TYW1: variants seen among roughly 807,000 people sequenced by gnomAD.
TYW1 encodes S-adenosyl-L-methionine-dependent tRNA 4-demethylwyosine synthase TYW1.
In TYW1, 46 loss-of-function variants were observed where a neutral mutation model predicts 96.2. The ratio of observed to expected loss-of-function variants is 0.48; its 90% CI spans 0.38 to 0.61. The LOEUF (loss-of-function observed/expected upper bound fraction) is 0.61, where lower values mean the gene tolerates loss of function less well. TYW1 is among the 20% of genes least tolerant of loss of function. The pLI, the probability that TYW1 is intolerant of heterozygous loss-of-function variation, is 0.00. For missense variants in TYW1, 684 were observed against 909.6 expected (o/e 0.75, Z 3.19); for synonymous variants, 274 against 323.0 (o/e 0.85, Z 1.63).
intron 15 of TYW1, among the ~76,000 whole-genome samples, chr7:67,221,523 C>A (rs1801390497): frequency 6.6e-6 from 1 of 152,138 alleles, no homozygotes; most frequent in Admixed American, 6.5e-5. Flanking sequence ...TTACTTCTGT[C>A]ATTTTGTTAT....
chr7:67,086,467 GAGAGAGAGAGAC>G (rs992091144), intron 11 of TYW1, among the ~76,000 whole-genome samples: 10 of 151,876 alleles, frequency 6.6e-5, no homozygotes, highest in Non-Finnish European at 1.5e-4. Context: ...TGTGAGGGGA[GAGAGAGAGAGAC>G]AGAAAGAGAG....
chr7:67,103,568 C>T (rs35937118), intron 12 of TYW1, among the ~76,000 whole-genome samples: 23 of 152,222 alleles, frequency 1.5e-4, no homozygotes, highest in South Asian at 6.2e-4. Context: ...AAACTAAGGA[C>T]GCTCCCTGCC....
At chr7:67,100,635 A>G (rs1196123523) in intron 12 of TYW1, among the ~76,000 whole-genome samples, 1 of 152,142 alleles carries the variant, frequency 6.6e-6, no homozygotes, top group South Asian at 2.1e-4. Flanking sequence ...TCACGAGGTC[A>G]TGAGATTGAG....
In TYW1 at chr7:67,117,464, TA is replaced by T. The variant is rs758305798; in HGVS notation, c.1563-11del. The T allele has an allele frequency of 5.1e-5, 80 of 1,581,792 alleles. No individual in the cohort carries two copies. Among genetic ancestry groups the T allele is most frequent in the Non-Finnish European group, 3.3e-5 (39 of 1,170,224 alleles). ...GAGGAATAATTTTTCTTTCTTCTTT[TA>T]AAAAAAATATTACTAAGGAACCTCG... On this transcript the variant is annotated intron_variant, in intron 12 of 15. Coordinates refer to ENST00000359626, the MANE Select transcript of TYW1 (RefSeq NM_018264.4).
At chr7:67,006,265 T>G (rs1249862816) in intron 3 of TYW1, among the ~76,000 whole-genome samples, 1 of 152,070 alleles carries the variant, frequency 6.6e-6, no homozygotes, top group Non-Finnish European at 1.5e-5. Flanking sequence ...TTCTCTCTCT[T>G]GTTCCTGCCA....
At chr7:67,115,658 A>G (rs1797570293) in intron 12 of TYW1, among the ~76,000 whole-genome samples, 1 of 152,170 alleles carries the variant, frequency 6.6e-6, no homozygotes, top group African/African-American at 2.4e-5. Context: ...CCTAAAAAGT[A>G]GCTTTAATAT....
chr7:67,085,168 G>C (rs997772649), intron 11 of TYW1, among the ~76,000 whole-genome samples: 4 of 152,156 alleles, frequency 2.6e-5, no homozygotes, highest in African/African-American at 9.7e-5. Flanking sequence ...AATTTGTTCT[G>C]TTCTGGCCAC....
At position 67,224,319 on chromosome 7, in the gene TYW1, G is replaced by C. The variant is rs527996225; in HGVS notation, c.1978-13989G>C. Reference sequence around the variant, plus strand: ...ATTTTGTATTTTTAGTAGAGATGGGGTTTCACCATGTTGGTCAGGCCGGTC... The same window carrying C: ...ATTTTGTATTTTTAGTAGAGATGGGCTTTCACCATGTTGGTCAGGCCGGTC... On this transcript the variant is annotated intron_variant, in intron 15 of 15. Coordinates refer to ENST00000359626, the MANE Select transcript of TYW1 (RefSeq NM_018264.4). 7.2e-5 allele frequency among the ~76,000 whole-genome samples: 11 copies of C among 152,290 alleles called. No homozygotes were observed. The South Asian group carries it at 2.3e-3, about 32-fold the overall frequency.
chr7:67,084,685 G>C (rs546781010), intron 11 of TYW1, among the ~76,000 whole-genome samples: 215 of 152,080 alleles, frequency 1.4e-3, no homozygotes, highest in African/African-American at 4.9e-3. Context: ...ACCACACCTG[G>C]CTAATTTTTT....
chr7:67,066,849 A>G (rs1041764805), intron 9 of TYW1, among the ~76,000 whole-genome samples: 2 of 152,224 alleles, frequency 1.3e-5, no homozygotes, highest in Non-Finnish European at 2.9e-5. Context: ...CCCTGTCTCA[A>G]AACAAAACAA....
At chr7:67,142,127 G>A (rs982979360) in intron 13 of TYW1, among the ~76,000 whole-genome samples, 8 of 152,266 alleles carry the variant, frequency 5.3e-5, no homozygotes, top group African/African-American at 1.9e-4. Flanking sequence ...ACAGGGACTT[G>A]TTCTGTCGCC....
chr7:67,233,638 A>G (rs1485300107), intron 15 of TYW1, among the ~76,000 whole-genome samples: 1 of 136,186 alleles, frequency 7.3e-6, no homozygotes, highest in Non-Finnish European at 1.6e-5. Context: ...GTCTCAGGAT[A>G]CTTAACTTCA....
At chr7:67,052,993 G>C (rs1391895368) in intron 8 of TYW1, among the ~76,000 whole-genome samples, 1 of 151,652 alleles carries the variant, frequency 6.6e-6, no homozygotes, top group Non-Finnish European at 1.5e-5. Context: ...TGCCCACCTT[G>C]GCCTCCCAAA....
chr7:67,136,341 C>G (rs946118260), intron 13 of TYW1, among the ~76,000 whole-genome samples: 2 of 152,144 alleles, frequency 1.3e-5, no homozygotes, highest in South Asian at 2.1e-4. Context: ...ATGTTATGTA[C>G]TGTGATGTTA....
In TYW1 at chr7:67,055,870, C is replaced by G. The variant is rs746631801; in HGVS notation, c.1138C>G (p.Leu380Val). 17 of 1,612,550 alleles carry G rather than the reference C, an allele frequency of 1.1e-5. No individual in the cohort carries two copies. The highest frequency in any genetic ancestry group is 1.3e-5 in the African/African-American group (1 of 74,792). The change falls in exon 9 of 16, where the codon CTT (leucine) becomes GTT (valine). Residue 380 changes from leucine (L) to valine (V), a missense_variant. Coordinates refer to ENST00000359626, the MANE Select transcript of TYW1 (RefSeq NM_018264.4). Reference sequence around the variant, plus strand: ...GATTGGGAGCCACTCGGGGGTGAAGCTTTGCAGGTGGACAAAGGTATTTTT... The same window carrying G: ...GATTGGGAGCCACTCGGGGGTGAAGGTTTGCAGGTGGACAAAGGTATTTTT... Reference protein sequence around the residue: ...QLIGSHSGVKLCRWTKSMLRG... With the variant: ...QLIGSHSGVKVCRWTKSMLRG...
chr7:67,152,697 G>A (rs984143092), intron 13 of TYW1, among the ~76,000 whole-genome samples: 3 of 152,110 alleles, frequency 2.0e-5, no homozygotes, highest in Non-Finnish European at 4.4e-5. Flanking sequence ...AGCCTCCCGG[G>A]TTCAAGTGAT....
intron 14 of TYW1, among the ~76,000 whole-genome samples, chr7:67,190,983 C>G (rs549187170): frequency 2.6e-5 from 4 of 152,112 alleles, no homozygotes; most frequent in Non-Finnish European, 5.9e-5. Context: ...CCATCTTAGT[C>G]TGTTTGCATC....
intron 6 of TYW1, among the ~76,000 whole-genome samples, chr7:67,023,916 A>C (rs1354132123): frequency 1.3e-5 from 2 of 152,208 alleles, no homozygotes; most frequent in Non-Finnish European, 2.9e-5. Context: ...CTCATCTATG[A>C]GATGATGTTG....
chr7:67,028,738 A>G (rs369620879), intron 7 of TYW1, among the ~76,000 whole-genome samples: 379 of 152,266 alleles, frequency 2.5e-3, no homozygotes, highest in African/African-American at 8.7e-3. Flanking sequence ...CCAAAATCAC[A>G]TATGCATTTA....
Sources: allele counts gnomAD v4.1 joint callset (sites outside exome capture counted in the v4.1 genomes callset), GRCh38; gene constraint gnomAD v4.1.1; transcripts MANE v1.5; gene names NCBI Gene and HGNC (gene_info 2026-07-23, HGNC 2026-07-21).